Variants in ALG1L2 observed in about 807,000 individuals in gnomAD.
The protein encoded by ALG1L2 is ALG1 chitobiosyldiphosphodolichol beta-mannosyltransferase like 2.
In ALG1L2, 32 loss-of-function variants were observed where a neutral mutation model predicts 29.0. That is an observed-to-expected ratio of 1.10 (90% CI 0.83 to 1.48). The LOEUF (loss-of-function observed/expected upper bound fraction) is 1.48. ALG1L2 is among the 40% of genes most tolerant of loss of function. ALG1L2 has a pLI of 0.00. For missense variants in ALG1L2, 318 were observed against 274.1 expected, an observed-to-expected ratio of 1.16 and a Z score of -1.13; for synonymous variants, 110 against 109.5, an observed-to-expected ratio of 1.00 and a Z score of -0.03.
At chr3:130,095,740 G>T (rs879528552) in intron 5 of ALG1L2, among the ~76,000 whole-genome samples, 1 of 152,126 alleles carries the variant, frequency 6.6e-6, no homozygotes, top group Non-Finnish European at 1.5e-5. Flanking sequence ...AACCTGGGAG[G>T]TGGAGGTTGC....
At chr3:130,097,340 G>T (rs1163486570) in intron 7 of ALG1L2, 90 bp downstream of exon 7, 23 of 1,546,550 alleles carry the variant, frequency 1.5e-5, no homozygotes, top group Admixed American at 2.0e-5. Flanking sequence ...ACACAGCCAG[G>T]GTGGGACCAT....
intron 5 of ALG1L2, among the ~76,000 whole-genome samples, chr3:130,095,409 T>TTTATTA (rs869099473): frequency 0.11 from 12,984 of 120,730 alleles, 749 homozygotes; most frequent in East Asian, 0.17. Context: ...TGTGCTGTGG[T>TTTATTA]TTATTATTAT....
At chr3:130,087,188 C>A (rs191919917) in intron 1 of ALG1L2, among the ~76,000 whole-genome samples, 1 of 149,666 alleles carries the variant, frequency 6.7e-6, no homozygotes. Context: ...ATGGGGTAAA[C>A]CATCAACATG....
intron 1 of ALG1L2, among the ~76,000 whole-genome samples, chr3:130,084,250 G>A (rs1346118540): frequency 6.6e-6 from 1 of 150,620 alleles, no homozygotes; most frequent in Non-Finnish European, 1.5e-5. Context: ...TCGAGGCCAG[G>A]AGTTCAAGAT....
At position 130,092,365 on chromosome 3, in the gene ALG1L2, G is replaced by A. The variant is rs538384225; in HGVS notation, c.253+143G>A. The A allele has an allele frequency of 4.4e-5, 70 of 1,599,560 alleles. No individual in the cohort carries two copies. In the African/African-American group the frequency reaches 8.8e-4, roughly 20 times the overall value. ...GGAGGGCGTGTGAGCTGGAAGAGTG[G>A]TGTCTAGAAACAGGCCCCTGACATT... On this transcript the variant is annotated intron_variant, in intron 3 of 7. Coordinates refer to ENST00000425059, the MANE Select transcript of ALG1L2 (RefSeq NM_001136152.1).
intron 5 of ALG1L2, among the ~76,000 whole-genome samples, chr3:130,095,655 T>C (rs1242958045): frequency 6.6e-6 from 1 of 151,688 alleles, no homozygotes; most frequent in Non-Finnish European, 1.5e-5. Flanking sequence ...TTGACCAGGC[T>C]GGTCTTGAAC....
intron 1 of ALG1L2, chr3:130,089,463 C>G (rs961793418): frequency 4.0e-5 from 6 of 150,686 alleles, no homozygotes; most frequent in African/African-American, 1.2e-4. Context: ...GTAAAATATA[C>G]ACTAGATTTC....
intron 1 of ALG1L2, among the ~76,000 whole-genome samples, chr3:130,090,547 C>T (rs1451605740): frequency 6.6e-6 from 1 of 152,292 alleles, no homozygotes; most frequent in East Asian, 1.9e-4. Flanking sequence ...TTTCTCACAG[C>T]TTGCTTAAAT....
rs191156584 is a variant in ALG1L2 at position 130,093,158 on chromosome 3, C to T, written c.311C>T (p.Thr104Ile). 1.2e-6 allele frequency: 2 copies of T among 1,609,514 alleles called. No homozygotes were observed. Among genetic ancestry groups the T allele is most frequent in the African/African-American group, 1.3e-5 (1 of 74,472 alleles). Residue 104 changes from threonine (T) to isoleucine (I), a missense_variant and splice_region_variant, in exon 4 of 8, where the codon ACA (threonine) becomes ATA (isoleucine). Thr to Ile is a moderately conservative substitution (Grantham distance 89, BLOSUM62 -1). Transcript: ENST00000425059. ...QNLPSLVCVI[T>I]GKGPLREYYS... is the part of the protein sequence containing the mutation. ...CTTCCTTCTCTCGTCTGTGTGATAA[C>T]AGGTACTGCCTGGGACCCTGGGTGT...
At chr3:130,096,902 A>G (rs1935148860) in intron 6 of ALG1L2, among the ~76,000 whole-genome samples, 1 of 152,184 alleles carries the variant, frequency 6.6e-6, no homozygotes, top group South Asian at 2.1e-4. Flanking sequence ...ATGCAAAAAT[A>G]ATTCTTCAGT....
At chr3:130,092,031 C>A (rs1935026596) in intron 2 of ALG1L2, 70 bp from the exon 3 acceptor site, 2 of 1,588,814 alleles carry the variant, frequency 1.3e-6, no homozygotes, top group African/African-American at 1.3e-5. Context: ...CTCACCATGG[C>A]AGGAGATGCC....
intron 1 of ALG1L2, among the ~76,000 whole-genome samples, chr3:130,090,315 A>G (rs1934989344): frequency 6.6e-6 from 1 of 152,426 alleles, no homozygotes; most frequent in East Asian, 1.9e-4. Context: ...AGATTGCACC[A>G]AGGCGCTCCA....
At chr3:130,092,595 C>T (rs1166362194) in intron 3 of ALG1L2, among the ~76,000 whole-genome samples, 2 of 152,130 alleles carry the variant, frequency 1.3e-5, no homozygotes, top group Non-Finnish European at 2.9e-5. Flanking sequence ...CGCCCTGAAT[C>T]CCCAGTTGGG....
chr3:130,089,071 G>T (rs1397184660), intron 1 of ALG1L2, among the ~76,000 whole-genome samples: 1 of 151,938 alleles, frequency 6.6e-6, no homozygotes, highest in South Asian at 2.1e-4. Context: ...CTGTCATTGT[G>T]TGGGTGACTC....
chr3:130,087,649 A>G (rs1341649362), intron 1 of ALG1L2, among the ~76,000 whole-genome samples: 8 of 132,058 alleles, frequency 6.1e-5, no homozygotes, highest in African/African-American at 2.0e-4. Flanking sequence ...AATAAAGCAA[A>G]TGGGGTAAAA....
rs1372350170 is a variant in ALG1L2, at chr3:130,081,942, G to A, written c.-75G>A. Reference sequence around the variant, plus strand: ...CAGGATCAGCAGAGCTCGATTGTAGGGTGTGAGGCTGTCACAGAGGCTGGA... The same window carrying A: ...CAGGATCAGCAGAGCTCGATTGTAGAGTGTGAGGCTGTCACAGAGGCTGGA... On this transcript the variant is annotated 5_prime_UTR_variant, in exon 1 of 8. Coordinates refer to ENST00000425059, the MANE Select transcript of ALG1L2 (RefSeq NM_001136152.1). The A allele has an allele frequency of 7.2e-7, 1 of 1,396,176 alleles. No homozygotes were observed. Among genetic ancestry groups the A allele is most frequent in the African/African-American group, 1.4e-5 (1 of 72,000 alleles). The allele number at this position is 1,396,176 out of a possible 1,614,324, so 86.5% of individuals were successfully genotyped here.
Position 130,094,412 on chromosome 3 carries a change from C to T in ALG1L2, c.323C>T (p.Pro108Leu), listed in dbSNP as rs753015126. 2 of 1,595,888 alleles carry T rather than the reference C, an allele frequency of 1.3e-6. No individual in the cohort carries two copies. The highest frequency in any genetic ancestry group is 2.2e-5 in the South Asian group (2 of 90,984). The change falls in exon 5 of 8, where the codon CCT becomes CTT. Residue 108 changes from proline (P) to leucine (L), a missense_variant. Coordinates refer to ENST00000425059, the MANE Select transcript of ALG1L2 (RefSeq NM_001136152.1). ...GCTCTTCTCTGTGAAGGCAAAGGGC[C>T]TCTGAGGGAGTATTACAGCCGCCTC... is the stretch of plus-strand genomic sequence containing the variant. ...SLVCVITGKG[P>L]LREYYSRLIH...
chr3:130,096,641 T>C (rs1482473565), intron 6 of ALG1L2, among the ~76,000 whole-genome samples: 2 of 152,154 alleles, frequency 1.3e-5, no homozygotes, highest in African/African-American at 2.4e-5. Flanking sequence ...CCACCCAGCA[T>C]AGACGGGTGT....
intron 1 of ALG1L2, among the ~76,000 whole-genome samples, chr3:130,086,944 C>A (rs1934901765): frequency 6.6e-6 from 1 of 151,398 alleles, no homozygotes; most frequent in Non-Finnish European, 1.5e-5. Context: ...GTGGTGCGTT[C>A]CCCACACCTG....
Sources: allele counts gnomAD v4.1 joint callset (sites outside exome capture counted in the v4.1 genomes callset), GRCh38; gene constraint gnomAD v4.1.1; transcripts MANE v1.5; gene names NCBI Gene and HGNC (gene_info 2026-07-23, HGNC 2026-07-21).